USP48: variants seen among roughly 807,000 people sequenced by gnomAD.
The protein encoded by USP48 is ubiquitin carboxyl-terminal hydrolase 48.
USP48 carries 43 observed loss-of-function variants against 150.7 expected under a neutral mutation model. The observed-to-expected ratio is 0.29, with a 90% CI of 0.22 to 0.37. The LOEUF (loss-of-function observed/expected upper bound fraction) is 0.37, where lower values mean the gene tolerates loss of function less well. USP48 is among the 10% of genes least tolerant of loss of function. The probability of loss-of-function intolerance (pLI) is 1.00; values close to 1 mark genes in which losing one functional copy is unlikely to be tolerated. For missense variants in USP48, 813 were observed against 1,249.6 expected, an observed-to-expected ratio of 0.65 and a Z score of 5.27; for synonymous variants, 396 against 425.9, an observed-to-expected ratio of 0.93 and a Z score of 0.86.
At chr1:21,771,210 C>A (rs2097879200) in intron 1 of USP48, among the ~76,000 whole-genome samples, 2 of 151,876 alleles carry the variant, frequency 1.3e-5, no homozygotes, top group South Asian at 4.2e-4. Flanking sequence ...CCCGTCTCTA[C>A]TAAAAATACA....
At chr1:21,780,488 C>CTT (rs2097911593) in intron 1 of USP48, among the ~76,000 whole-genome samples, 2 of 151,928 alleles carry the variant, frequency 1.3e-5, no homozygotes, top group Non-Finnish European at 2.9e-5. Flanking sequence ...TTGTACAACA[C>CTT]TATAAAGGTA....
intron 9 of USP48, among the ~76,000 whole-genome samples, chr1:21,734,472 T>C (rs1352845083): frequency 2.0e-5 from 3 of 152,198 alleles, no homozygotes; most frequent in Non-Finnish European, 4.4e-5. Flanking sequence ...GCTACATGAA[T>C]GGAGTTAACA....
intron 8 of USP48, among the ~76,000 whole-genome samples, chr1:21,741,241 T>G (rs1040963250): frequency 6.6e-6 from 1 of 152,156 alleles, no homozygotes. Context: ...CAAACCAAAA[T>G]TGGTCACAGT....
chr1:21,735,947 T>C (rs1486751252), intron 9 of USP48, among the ~76,000 whole-genome samples: 1 of 150,466 alleles, frequency 6.6e-6, no homozygotes, highest in African/African-American at 2.4e-5. Context: ...TTGTGGCACA[T>C]GCCTGTAATC....
intron 10 of USP48, among the ~76,000 whole-genome samples, chr1:21,729,299 A>G (rs916420249): frequency 6.6e-6 from 1 of 150,792 alleles, no homozygotes; most frequent in African/African-American, 2.4e-5. Flanking sequence ...AAAAAAAAAG[A>G]AAGAATAGAT....
Position 21,728,559 on chromosome 1 carries a change from A to G in USP48, c.1450+11T>C. ...AATGGCAACAGTGCTGTCCCAGAAT[A>G]TCTTACAGACCAGCTCCAGCAGGTA... is the stretch of plus-strand genomic sequence containing the variant. On this transcript the variant is annotated intron_variant, in intron 11 of 26. Transcript: ENST00000308271. The G allele has an allele frequency of 6.2e-7, 1 of 1,612,656 alleles. No individual in the cohort carries two copies. The highest frequency in any genetic ancestry group is 8.5e-7 in the Non-Finnish European group (1 of 1,179,412).
chr1:21,696,205 G>C (rs143108031), intron 22 of USP48, among the ~76,000 whole-genome samples: 5 of 152,098 alleles, frequency 3.3e-5, no homozygotes, highest in Non-Finnish European at 5.9e-5. Context: ...CTGGGAGGCC[G>C]AAGTGGGCAG....
chr1:21,748,017 A>T, intron 7 of USP48, 121 bp downstream of exon 7: 1 of 1,103,426 alleles, frequency 9.1e-7, no homozygotes, highest in Non-Finnish European at 1.2e-6. Flanking sequence ...GCCTCCATCT[A>T]TAACTTTCAT....
At chr1:21,711,890 T>A (rs2097691174) in intron 15 of USP48, among the ~76,000 whole-genome samples, 1 of 152,080 alleles carries the variant, frequency 6.6e-6, no homozygotes, top group African/African-American at 2.4e-5. Context: ...ACCACAAAAG[T>A]CTCTTAAATT....
intron 1 of USP48, among the ~76,000 whole-genome samples, chr1:21,778,795 G>C (rs1442490157): frequency 6.6e-6 from 1 of 150,532 alleles, no homozygotes; most frequent in Non-Finnish European, 1.5e-5. Context: ...CTGTCACCCA[G>C]GCTGGAGTGC....
intron 5 of USP48, among the ~76,000 whole-genome samples, chr1:21,752,260 C>G (rs1032341677): frequency 2.0e-5 from 3 of 152,126 alleles, no homozygotes; most frequent in Admixed American, 6.6e-5. Context: ...CAGTTCCAAT[C>G]TTACTCTTTA....
chr1:21,759,107 A>G (rs983330482), intron 1 of USP48, among the ~76,000 whole-genome samples: 6 of 142,252 alleles, frequency 4.2e-5, no homozygotes, highest in Admixed American at 7.6e-5. Context: ...GCTTGAACCC[A>G]GGAGGCGGAG....
Position 21,679,280 on chromosome 1 carries a change from C to A in USP48, c.*137G>T. The stretch of plus-strand genomic sequence containing the variant: ...TGACATAAGGCATTTGGGACAGTCA[C>A]GTTTGAATGGATTTCTGCCTTTTGG... On this transcript the variant is annotated 3_prime_UTR_variant, in exon 27 of 27. Transcript: ENST00000308271. 2 of 995,514 alleles carry A rather than the reference C, an allele frequency of 2.0e-6. No individual in the cohort carries two copies. Among genetic ancestry groups the A allele is most frequent in the East Asian group, 6.0e-5 (2 of 33,582 alleles). 61.7% of individuals were successfully genotyped at this position (995,514 alleles called of 1,614,324 possible). A position where few individuals can be genotyped will look rare whatever the true frequency, so the allele number is the denominator to read the frequency against.
At chr1:21,721,251 T>G in intron 13 of USP48, 85 bp from the exon 14 acceptor site, 1 of 1,531,548 alleles carries the variant, frequency 6.5e-7, no homozygotes, top group Non-Finnish European at 8.8e-7. Context: ...ACAACTAAAG[T>G]GAATTACAAA....
intron 18 of USP48, 87 bp from the exon 19 acceptor site, chr1:21,705,924 G>T: frequency 8.4e-7 from 1 of 1,185,356 alleles, no homozygotes. Context: ...CAAAATCAGA[G>T]ATATATTTAA....
intron 11 of USP48, chr1:21,728,344 AATTT>A: frequency 7.8e-7 from 1 of 1,285,052 alleles, no homozygotes; most frequent in Non-Finnish European, 9.8e-7. Context: ...TAAATGTTAT[AATTT>A]ATTAACAGCT....
chr1:21,739,600 C>T (rs78811508), intron 8 of USP48, among the ~76,000 whole-genome samples: 10,827 of 145,482 alleles, frequency 0.074, 511 homozygotes, highest in East Asian at 0.2. Context: ...GATATGTTTA[C>T]ATCATGGAAT....
intron 2 of USP48, chr1:21,757,437 A>C: frequency 2.6e-6 from 1 of 379,072 alleles, no homozygotes; most frequent in Non-Finnish European, 4.6e-6. Context: ...ATTCAAACTA[A>C]AACTATTATT....
chr1:21,737,239 A>G (rs1213882625), intron 8 of USP48, among the ~76,000 whole-genome samples: 1 of 152,208 alleles, frequency 6.6e-6, no homozygotes, highest in African/African-American at 2.4e-5. Context: ...GTATCATCAC[A>G]TTAGCACCTT....
Sources: allele counts gnomAD v4.1 joint callset (sites outside exome capture counted in the v4.1 genomes callset), GRCh38; gene constraint gnomAD v4.1.1; transcripts MANE v1.5; gene names NCBI Gene and HGNC (gene_info 2026-07-23, HGNC 2026-07-21).